Variants in CCDC85C observed in about 807,000 individuals in gnomAD.
The protein encoded by CCDC85C is coiled-coil domain containing 85C.
In CCDC85C, 18 loss-of-function variants were observed where a neutral mutation model predicts 38.3. That is an observed-to-expected ratio of 0.47 (90% CI 0.33 to 0.70). The LOEUF (loss-of-function observed/expected upper bound fraction) is 0.70. Ranked by LOEUF, CCDC85C falls within the 30% of genes least tolerant of loss-of-function variation. CCDC85C has a pLI of 0.03. For missense variants in CCDC85C, 566 were observed against 621.2 expected (o/e 0.91, Z 0.94); for synonymous variants, 264 against 293.8 (o/e 0.90, Z 1.04).
In CCDC85C at chr14:99,540,145, TA is replaced by T. The variant is rs200548735; in HGVS notation, c.794-4058del. On this transcript the variant is annotated intron_variant, in intron 1 of 5. Coordinates refer to ENST00000380243, the MANE Select transcript of CCDC85C (RefSeq NM_001144995.2). ...ATGGGCGACAGAGCGAGACTGTCTTTAAAAAAAAAGGGGGGGGAACGGATTA... is the reference window on the plus strand; with the variant it reads ...ATGGGCGACAGAGCGAGACTGTCTTTAAAAAAAAGGGGGGGGAACGGATTA... Among the ~76,000 whole-genome samples, 450 of 123,118 alleles carry T rather than the reference TA, an allele frequency of 3.7e-3. 5 individuals are homozygous for T. Among genetic ancestry groups the T allele is most frequent in the African/African-American group, 0.011 (419 of 37,414 alleles). 80.8% of individuals were successfully genotyped at this position (123,118 alleles called of 152,430 possible).
chr14:99,570,581 G>A (rs1050033454), intron 1 of CCDC85C, among the ~76,000 whole-genome samples: 1 of 152,126 alleles, frequency 6.6e-6, no homozygotes, highest in African/African-American at 2.4e-5. Context: ...AGGGTCATGG[G>A]AGGGTGTGGG....
intron 1 of CCDC85C, among the ~76,000 whole-genome samples, chr14:99,584,509 G>A (rs1355500851): frequency 6.6e-6 from 1 of 152,158 alleles, no homozygotes; most frequent in African/African-American, 2.4e-5. Context: ...GACCAAAGAA[G>A]GGGACTACCT....
At chr14:99,554,145 C>T (rs1245040101) in intron 1 of CCDC85C, among the ~76,000 whole-genome samples, 1 of 152,158 alleles carries the variant, frequency 6.6e-6, no homozygotes, top group Admixed American at 6.5e-5. Flanking sequence ...AGCTTCAGTC[C>T]CCTGCCCCAT....
rs1595338287 is a variant in CCDC85C at position 99,520,411 on chromosome 14, T to C, written c.975+1722A>G. On this transcript the variant is annotated intron_variant, in intron 3 of 5. Transcript: ENST00000380243. The surrounding 1 kb of genome is among the most constrained non-coding windows in gnomAD (Gnocchi z 4.1). ...ACCTTGACCCCTCAACCCCCACTCC[T>C]GGGGGCCTGCCCGCCGACCAGCCCC... Among the ~76,000 whole-genome samples the C allele has an allele frequency of 6.6e-6, 1 of 150,512 alleles. No homozygotes were observed. The highest frequency in any genetic ancestry group is 2.0e-4 in the East Asian group (1 of 4,984).
At chr14:99,593,186 G>A (rs1431490925) in intron 1 of CCDC85C, among the ~76,000 whole-genome samples, 3 of 152,230 alleles carry the variant, frequency 2.0e-5, no homozygotes, top group South Asian at 2.1e-4. Flanking sequence ...TGTGGCGGGC[G>A]GGGGAGCACC....
rs1301757764 is a variant in CCDC85C, at chr14:99,512,775, GCCCTGCTAGTGACGGAGCTGGGAGTCA to G, written c.*2444_*2470del. On this transcript the variant is annotated 3_prime_UTR_variant, in exon 6 of 6. Transcript: ENST00000380243. The stretch of plus-strand genomic sequence containing the variant: ...CTAAGGCTCCAGAAGGAAGGGGGTC[GCCCTGCTAGTGACGGAGCTGGGAGTCA>G]CCCTGAGCTACAGCATGCCCAGATT... The G allele has an allele frequency of 1.3e-5, 2 of 152,202 alleles. No individual in the cohort carries two copies. Among genetic ancestry groups the G allele is most frequent in the Non-Finnish European group, 2.9e-5 (2 of 68,034 alleles). The allele number at this position is 152,202 out of a possible 1,614,324, so 9.4% of individuals were successfully genotyped here.
At position 99,603,631 on chromosome 14, in the gene CCDC85C, C is replaced by A. The variant is rs1322768426; in HGVS notation, c.329G>T (p.Arg110Leu). The change falls in exon 1 of 6, where the codon CGC (arginine) becomes CTC (leucine). Residue 110 changes from arginine (R) to leucine (L), a missense_variant. Arg to Leu is a moderately radical substitution (Grantham distance 102). This residue lies in a region of CCDC85C where 269 missense variants were observed against 308.2 expected (regional missense o/e 0.87). Coordinates refer to ENST00000380243, the MANE Select transcript of CCDC85C (RefSeq NM_001144995.2). The surrounding 1 kb of genome is among the most constrained non-coding windows in gnomAD (Gnocchi z 7.5). Reference sequence around the variant, plus strand: ...GTGCCACACGGCGCCGGCCGCGTGGCGCCCGAAGCGCTGCCACTCGCGCGC... The same window carrying A: ...GTGCCACACGGCGCCGGCCGCGTGGAGCCCGAAGCGCTGCCACTCGCGCGC... ...KLAREWQRFG[R>L]HAAGAVWHEV... The A allele has an allele frequency of 4.3e-5, 63 of 1,465,604 alleles. No homozygotes were observed. The highest frequency in any genetic ancestry group is 5.4e-5 in the Non-Finnish European group (60 of 1,110,470). The allele number at this position is 1,465,604 out of a possible 1,614,324, so 90.8% of individuals were successfully genotyped here.
intron 1 of CCDC85C, among the ~76,000 whole-genome samples, chr14:99,556,046 T>G (rs565094367): frequency 6.6e-6 from 1 of 152,268 alleles, no homozygotes; most frequent in Non-Finnish European, 1.5e-5. Context: ...AAAATGTCAA[T>G]GTAAAGAAAG....
chr14:99,603,221 G>C lies in CCDC85C; in HGVS notation c.739C>G (p.Leu247Val). ...TGCGGCGGCGCCGACAAGTCGTCCA[G>C]GGACCGACGTGTGGCTCCTGCCTTG... ...DGKAGATRRS[L>V]DDLSAPPHHR... is the part of the protein sequence containing the mutation. Residue 247 changes from leucine (L) to valine (V), a missense_variant, in exon 1 of 6, where the codon CTG becomes GTG. Around this residue, in one of 3 missense-constraint regions of CCDC85C, gnomAD observed 286 missense variants for 276.4 expected, o/e 1.03. Coordinates refer to ENST00000380243, the MANE Select transcript of CCDC85C (RefSeq NM_001144995.2). This position sits in a 1 kb window ranked among gnomAD's most constrained non-coding sequence, Gnocchi z 7.5. The C allele has an allele frequency of 7.0e-7, 1 of 1,425,354 alleles. No individual in the cohort carries two copies. Among genetic ancestry groups the C allele is most frequent in the Non-Finnish European group, 9.2e-7 (1 of 1,092,538 alleles). The allele number at this position is 1,425,354 out of a possible 1,614,324, so 88.3% of individuals were successfully genotyped here. A position where few individuals can be genotyped will look rare whatever the true frequency, so the allele number is the denominator to read the frequency against.
At chr14:99,559,215 T>TC (rs36080966) in intron 1 of CCDC85C, among the ~76,000 whole-genome samples, 81,052 of 150,818 alleles carry the variant, frequency 0.54, 21,967 homozygotes, top group African/African-American at 0.61. Context: ...AATACAGGAG[T>TC]CCCCCCGAGA....
intron 1 of CCDC85C, among the ~76,000 whole-genome samples, chr14:99,580,469 G>C (rs555618680): frequency 1.6e-4 from 24 of 148,438 alleles, no homozygotes; most frequent in African/African-American, 5.5e-4. Flanking sequence ...TCCCCAGTGA[G>C]GGGAGGGGGG....
At position 99,582,367 on chromosome 14, in the gene CCDC85C, C is replaced by T. The variant is rs185781107; in HGVS notation, c.793+20800G>A. ...GATGTGACAAGGTATTCTCCACCTG[C>T]GCATGTAAAAAGAGTTGGGATCAAA... is the stretch of plus-strand genomic sequence containing the variant. On this transcript the variant is annotated intron_variant, in intron 1 of 5. Transcript: ENST00000380243. Among the ~76,000 whole-genome samples, 60 of 152,222 alleles carry T rather than the reference C, an allele frequency of 3.9e-4. No homozygotes were observed. The Middle Eastern group carries it at 0.014, about 35-fold the overall frequency.
At chr14:99,557,839 C>A (rs1437553625) in intron 1 of CCDC85C, among the ~76,000 whole-genome samples, 1 of 152,174 alleles carries the variant, frequency 6.6e-6, no homozygotes, top group Non-Finnish European at 1.5e-5. Flanking sequence ...TGCTTGAACC[C>A]AGGAGGCAGA....
Position 99,500,532 on chromosome 14 carries a change from T to C in CCDC85C, c.*14714A>G. The C allele has an allele frequency of 2.2e-6, 1 of 454,536 alleles. No homozygotes were observed. Among genetic ancestry groups the C allele is most frequent in the Non-Finnish European group, 3.9e-6 (1 of 258,444 alleles). The allele number at this position is 454,536 out of a possible 1,614,324, so 28.2% of individuals were successfully genotyped here. On this transcript the variant is annotated 3_prime_UTR_variant, in exon 6 of 6. Coordinates refer to ENST00000380243, the MANE Select transcript of CCDC85C (RefSeq NM_001144995.2). ...ATAATATTTTTAAGGATCTTTTGTT[T>C]TCAGTATTTTTTTTTACATTACACC...
In CCDC85C at chr14:99,534,770, C is replaced by G. The variant is rs537712115; in HGVS notation, c.867+1245G>C. 1.0e-3 allele frequency: 726 copies of G among 701,104 alleles called. 2 individuals are homozygous for G. The highest frequency in any genetic ancestry group is 1.6e-3 in the Non-Finnish European group (619 of 384,184). The allele number at this position is 701,104 out of a possible 1,614,324, so 43.4% of individuals were successfully genotyped here. Reference sequence around the variant, plus strand: ...CAGACAGGTGAGACCCCAGCCCCTCCTGCCCTCACCAGCCCTGGGAAGCCA... The same window carrying G: ...CAGACAGGTGAGACCCCAGCCCCTCGTGCCCTCACCAGCCCTGGGAAGCCA... On this transcript the variant is annotated intron_variant, in intron 2 of 5. Transcript: ENST00000380243.
At chr14:99,600,101 A>G (rs2055183481) in intron 1 of CCDC85C, among the ~76,000 whole-genome samples, 1 of 152,230 alleles carries the variant, frequency 6.6e-6, no homozygotes, top group African/African-American at 2.4e-5. Context: ...CTAGCTCATC[A>G]GCAAGTGCTG....
rs572235587 is a variant in CCDC85C at position 99,503,101 on chromosome 14, C to A, written c.*12145G>T. The A allele has an allele frequency of 2.6e-6, 3 of 1,175,558 alleles. No homozygotes were observed. Among genetic ancestry groups the A allele is most frequent in the Non-Finnish European group, 2.5e-6 (2 of 787,730 alleles). The allele number at this position is 1,175,558 out of a possible 1,614,324, so 72.8% of individuals were successfully genotyped here. On this transcript the variant is annotated 3_prime_UTR_variant, in exon 6 of 6. Coordinates refer to ENST00000380243, the MANE Select transcript of CCDC85C (RefSeq NM_001144995.2). ...AACACCGGAAGCAGGGGGTGTTCGCCGAAACTCGCAGTCCGACTGCTTGTC... is the reference window on the plus strand; with the variant it reads ...AACACCGGAAGCAGGGGGTGTTCGCAGAAACTCGCAGTCCGACTGCTTGTC...
rs796535137 is a variant in CCDC85C at position 99,602,554 on chromosome 14, A to AC, written c.793+612_793+613insG. ...AATACATCTCCCTCGGGAAAGTCTT[A>AC]GAGTCTCGGCTGAGAAAGGTCCCAG... On this transcript the variant is annotated intron_variant, in intron 1 of 5. Transcript: ENST00000380243. Among the ~76,000 whole-genome samples the AC allele has an allele frequency of 6.6e-5, 10 of 152,348 alleles. 1 individual carries two copies. The highest frequency in any genetic ancestry group is 2.4e-4 in the African/African-American group (10 of 41,580).
chr14:99,579,248 G>C (rs2054938965), intron 1 of CCDC85C, among the ~76,000 whole-genome samples: 1 of 152,246 alleles, frequency 6.6e-6, no homozygotes, highest in African/African-American at 2.4e-5. Context: ...CTCCAGCCTT[G>C]GTGCCAAACA....
Sources: allele counts gnomAD v4.1 joint callset (sites outside exome capture counted in the v4.1 genomes callset), GRCh38; gene constraint gnomAD v4.1.1; regional missense constraint gnomAD v4.1.1; non-coding constraint Gnocchi (gnomAD v3.1); transcripts MANE v1.5; gene names NCBI Gene and HGNC (gene_info 2026-07-23, HGNC 2026-07-21).